Variants in HTR3A observed in about 807,000 individuals in gnomAD.
HTR3A encodes the protein 5-hydroxytryptamine receptor 3A, also known as 5-hydroxytryptamine (serotonin) receptor 3A, ionotropic.
A neutral mutation model predicts 54.8 loss-of-function variants in HTR3A; 45 were observed. That is an observed-to-expected ratio of 0.82 (90% CI 0.65 to 1.05). HTR3A has a LOEUF of 1.05. Ranked by LOEUF, HTR3A falls within the 50% of genes least tolerant of loss-of-function variation. HTR3A has a pLI of 0.00. For missense variants in HTR3A, 657 were observed against 614.0 expected (o/e 1.07, Z -0.74); for synonymous variants, 297 against 256.0 (o/e 1.16, Z -1.53).
chr11:113,985,899 T>G (rs761077562), intron 5 of HTR3A, 116 bp from the exon 6 acceptor site: 28 of 1,053,214 alleles, frequency 2.7e-5, no homozygotes, highest in Non-Finnish European at 3.9e-5. Context: ...GAGGTTGAGG[T>G]TGGGCCATCG....
intron 4 of HTR3A, 94 bp downstream of exon 4, chr11:113,981,406 G>A: frequency 2.5e-6 from 2 of 791,678 alleles, no homozygotes; most frequent in East Asian, 2.5e-5. Context: ...TTGCATTTGA[G>A]ATGTCCCACC....
Position 113,979,233 on chromosome 11 carries a change from G to A in HTR3A, c.220G>A (p.Asp74Asn), listed in dbSNP as rs766339843. 1.9e-6 allele frequency: 3 copies of A among 1,613,146 alleles called. No homozygotes were observed. Among genetic ancestry groups the A allele is most frequent in the African/African-American group, 1.3e-5 (1 of 74,876 alleles). The change falls in exon 3 of 9, where the codon GAT (aspartate) becomes AAT (asparagine). Residue 74 changes from aspartate to asparagine, a missense_variant and splice_region_variant. Physicochemically the swap from Asp to Asn is conservative, Grantham distance 23. Transcript: ENST00000504030. ...DVIVYAILNV[D>N]EKNQVLTTYI... is the part of the protein sequence containing the mutation. ...GTTCAAGCTCCCTTTCCTTTCCCAG[G>A]ATGAGAAGAATCAGGTGCTGACCAC...
chr11:113,977,670 T>A (rs1361814329), intron 1 of HTR3A, 101 bp from the exon 2 acceptor site: 1 of 1,520,976 alleles, frequency 6.6e-7, no homozygotes, highest in Non-Finnish European at 8.9e-7. Flanking sequence ...GAGGTGGGGA[T>A]GGTGGGGATA....
At chr11:113,977,406 G>C (rs987771796) in intron 1 of HTR3A, 1 of 691,784 alleles carries the variant, frequency 1.4e-6, no homozygotes, top group Admixed American at 2.7e-5. Context: ...CATACCCTGA[G>C]AGCCAGCTTC....
chr11:113,986,962 G>C lies in HTR3A; in HGVS notation c.1054G>C (p.Ala352Pro). 1 of 1,614,074 alleles carries C rather than the reference G, an allele frequency of 6.2e-7. No individual in the cohort carries two copies. The change falls in exon 8 of 9, where the codon GCC becomes CCC. Residue 352 changes from alanine to proline, a missense_variant. Coordinates refer to ENST00000504030, the MANE Select transcript of HTR3A (RefSeq NM_000869.6). Reference protein sequence around the residue: ...WLRHLVLERIAWLLCLREQST... With the variant: ...WLRHLVLERIPWLLCLREQST... ...GCGTCACCTGGTTCTGGAGAGAATC[G>C]CCTGGCTACTTTGCCTGAGGGAGCA... is the stretch of plus-strand genomic sequence containing the variant.
chr11:113,980,939 A>G (rs1034532406), intron 3 of HTR3A: 19 of 492,152 alleles, frequency 3.9e-5, no homozygotes, highest in Non-Finnish European at 6.3e-5. Flanking sequence ...CGGAGGGGGA[A>G]CTCACAGCAT....
At chr11:113,986,386 G>T (rs1052841858) in intron 6 of HTR3A, 132 bp from the exon 7 acceptor site, 13 of 1,124,254 alleles carry the variant, frequency 1.2e-5, no homozygotes, top group Non-Finnish European at 1.7e-5. Context: ...GGGTATGGGG[G>T]TCTGTCTGTT....
chr11:113,988,726 T>A (rs979918269), intron 8 of HTR3A, among the ~76,000 whole-genome samples: 1 of 152,106 alleles, frequency 6.6e-6, no homozygotes, highest in Non-Finnish European at 1.5e-5. Flanking sequence ...ATTGCACCAC[T>A]GCACTCTAGC....
chr11:113,986,775 C>A, intron 7 of HTR3A, 47 bp downstream of exon 7: 2 of 1,614,162 alleles, frequency 1.2e-6, no homozygotes, highest in Non-Finnish European at 8.5e-7. Context: ...AGAAACCCGC[C>A]CCCTCCCACC....
In HTR3A at chr11:113,989,487, C is replaced by T; in HGVS notation, c.1161C>T (p.His387=). The T allele has an allele frequency of 6.2e-7, 1 of 1,614,194 alleles. No individual in the cohort carries two copies. The highest frequency in any genetic ancestry group is 8.5e-7 in the Non-Finnish European group (1 of 1,180,040). The change falls in exon 9 of 9, where the codon CAC becomes CAT. Residue 387 remains histidine (H), a synonymous_variant. Coordinates refer to ENST00000504030, the MANE Select transcript of HTR3A (RefSeq NM_000869.6). This position sits in a 1 kb window ranked among gnomAD's most constrained non-coding sequence, Gnocchi z 4.4. The part of the protein sequence containing the change: ...DCSAMGNHCS[H]MGGPQDFEKS... ...CAGCCATGGGAAACCACTGCAGCCA[C>T]ATGGGAGGACCCCAGGACTTCGAGA... is the stretch of plus-strand genomic sequence containing the variant.
chr11:113,985,035 A>G (rs954390638), intron 5 of HTR3A, among the ~76,000 whole-genome samples: 7 of 152,208 alleles, frequency 4.6e-5, no homozygotes, highest in African/African-American at 1.4e-4. Context: ...AACTACAGAT[A>G]AGGCTAACGT....
intron 3 of HTR3A, 97 bp from the exon 4 acceptor site, chr11:113,981,106 G>A: frequency 2.6e-6 from 2 of 775,414 alleles, no homozygotes; most frequent in South Asian, 2.8e-5. Context: ...ATGCCCACCT[G>A]TTGCCTGGGC....
intron 4 of HTR3A, among the ~76,000 whole-genome samples, chr11:113,982,353 A>G (rs577374842): frequency 6.6e-5 from 10 of 152,090 alleles, no homozygotes; most frequent in African/African-American, 2.4e-4. Flanking sequence ...CCAAGGGGGT[A>G]GTTGACCTGG....
At chr11:113,987,632 G>A (rs1450661322) in intron 8 of HTR3A, among the ~76,000 whole-genome samples, 1 of 151,976 alleles carries the variant, frequency 6.6e-6, no homozygotes, top group Non-Finnish European at 1.5e-5. Flanking sequence ...GCTACTTCAG[G>A]AGGCTGAAGT....
rs113380330 is a variant in HTR3A at position 113,981,118 on chromosome 11, C to T, written c.265-85C>T. 375 of 837,316 alleles carry T rather than the reference C, an allele frequency of 4.5e-4. 4 individuals are homozygous for T. Among genetic ancestry groups the T allele is most frequent in the South Asian group, 3.6e-3 (264 of 72,520 alleles). The allele number at this position is 837,316 out of a possible 1,614,324, so 51.9% of individuals were successfully genotyped here. A position where few individuals can be genotyped will look rare whatever the true frequency, so the allele number is the denominator to read the frequency against. ...AAGATGCCCACCTGTTGCCTGGGCA[C>T]TGAGGGTGAAGTCTGCCTGAGTTGC... On this transcript the variant is annotated intron_variant, in intron 3 of 8. Coordinates refer to ENST00000504030, the MANE Select transcript of HTR3A (RefSeq NM_000869.6).
Position 113,982,309 on chromosome 11 carries a change from T to C in HTR3A, c.375-811T>C, listed in dbSNP as rs78218836. Among the ~76,000 whole-genome samples, 555 of 147,972 alleles carry C rather than the reference T, an allele frequency of 3.8e-3. 4 individuals carry two copies. Among genetic ancestry groups the C allele is most frequent in the East Asian group, 0.022 (106 of 4,902 alleles). ...CATCCTCTACCCCATACCCACAGCA[T>C]TGTCCAACTCCAGGGGGTGCCACTG... On this transcript the variant is annotated intron_variant, in intron 4 of 8. Transcript: ENST00000504030.
rs150103292 is a variant in HTR3A, at chr11:113,985,371, G to A, written c.545-644G>A. On this transcript the variant is annotated intron_variant, in intron 5 of 8. Coordinates refer to ENST00000504030, the MANE Select transcript of HTR3A (RefSeq NM_000869.6). ...ATAAAATAGCTCATGATTTTGGAAG[G>A]CAGCTGTGCTCACCACTACCACAAA... Among the ~76,000 whole-genome samples the A allele has an allele frequency of 2.5e-3, 375 of 152,220 alleles. 2 individuals are homozygous for A. Among genetic ancestry groups the A allele is most frequent in the African/African-American group, 7.9e-3 (329 of 41,530 alleles).
chr11:113,983,399 C>A, intron 5 of HTR3A, 110 bp downstream of exon 5: 1 of 1,108,512 alleles, frequency 9.0e-7, no homozygotes, highest in Non-Finnish European at 1.4e-6. Flanking sequence ...CCTACTAATG[C>A]CCTGGGCCTC....
At chr11:113,982,905 C>T (rs1950437861) in intron 4 of HTR3A, among the ~76,000 whole-genome samples, 1 of 152,154 alleles carries the variant, frequency 6.6e-6, no homozygotes, top group African/African-American at 2.4e-5. Context: ...AGGAGAAATG[C>T]CCATGACTGC....
Sources: allele counts gnomAD v4.1 joint callset (sites outside exome capture counted in the v4.1 genomes callset), GRCh38; gene constraint gnomAD v4.1.1; non-coding constraint Gnocchi (gnomAD v3.1); transcripts MANE v1.5; gene names NCBI Gene and HGNC (gene_info 2026-07-23, HGNC 2026-07-21).